The following MAP2K5 variants were observed in gnomAD, a reference collection of about 807,000 sequenced individuals.
MAP2K5 encodes dual specificity mitogen-activated protein kinase kinase 5.
In MAP2K5, 49 loss-of-function variants were observed where a neutral mutation model predicts 83.1. The ratio of observed to expected loss-of-function variants is 0.59; its 90% CI spans 0.47 to 0.75. The LOEUF (loss-of-function observed/expected upper bound fraction) is 0.75. MAP2K5 is among the 30% of genes least tolerant of loss of function. The pLI, the probability that MAP2K5 is intolerant of heterozygous loss-of-function variation, is 0.00. For missense variants in MAP2K5, 457 were observed against 557.5 expected, an observed-to-expected ratio of 0.82 and a Z score of 1.82; for synonymous variants, 202 against 191.8, an observed-to-expected ratio of 1.05 and a Z score of -0.44.
In MAP2K5 at chr15:67,572,646, G is replaced by C. The variant is rs894061139; in HGVS notation, c.253-8108G>C. Among the ~76,000 whole-genome samples the C allele has an allele frequency of 2.6e-5, 4 of 152,028 alleles. No homozygotes were observed. The highest frequency in any genetic ancestry group is 5.9e-5 in the Non-Finnish European group (4 of 67,994). On this transcript the variant is annotated intron_variant, in intron 3 of 21. Transcript: ENST00000178640. This position sits in a 1 kb window ranked among gnomAD's most constrained non-coding sequence, Gnocchi z 4.2. Reference sequence around the variant, plus strand: ...GAGATGTGCTCTGCTACAAGGGTTTGTGATAAAGGATTCATTTTCTTAATT... The same window carrying C: ...GAGATGTGCTCTGCTACAAGGGTTTCTGATAAAGGATTCATTTTCTTAATT...
chr15:67,766,003 A>G (rs906639047), intron 19 of MAP2K5, among the ~76,000 whole-genome samples: 7 of 152,074 alleles, frequency 4.6e-5, no homozygotes, highest in South Asian at 2.1e-4. Context: ...ACTTTTTCCT[A>G]TTGTCCTTCA....
chr15:67,717,349 A>G lies in MAP2K5; in HGVS notation c.1045-10567A>G, dbSNP rs2141235014. Reference sequence around the variant, plus strand: ...CTCCAGTATGTCTACTGTAATAGGAAGTAGGTAGGTAAGGATCTCATCTAA... The same window carrying G: ...CTCCAGTATGTCTACTGTAATAGGAGGTAGGTAGGTAAGGATCTCATCTAA... On this transcript the variant is annotated intron_variant, in intron 16 of 21. Coordinates refer to ENST00000178640, the MANE Select transcript of MAP2K5 (RefSeq NM_145160.3). This position sits in a 1 kb window ranked among gnomAD's most constrained non-coding sequence, Gnocchi z 4.1. Among the ~76,000 whole-genome samples the G allele has an allele frequency of 6.6e-6, 1 of 152,308 alleles. No individual in the cohort carries two copies. The highest frequency in any genetic ancestry group is 1.5e-5 in the Non-Finnish European group (1 of 68,012).
intron 7 of MAP2K5, among the ~76,000 whole-genome samples, chr15:67,599,066 T>C (rs1707151188): frequency 6.6e-6 from 1 of 152,226 alleles, no homozygotes; most frequent in Non-Finnish European, 1.5e-5. Context: ...ACTCTGCTAG[T>C]TTAGCATCTC....
chr15:67,803,359 GC>G (rs1308891913), intron 21 of MAP2K5, among the ~76,000 whole-genome samples: 1 of 148,274 alleles, frequency 6.7e-6, no homozygotes, highest in Non-Finnish European at 1.5e-5. Context: ...CCTCTGGGTG[GC>G]CAAGTGAGTT....
At position 67,750,300 on chromosome 15, in the gene MAP2K5, A is replaced by G. The variant is rs1332671419; in HGVS notation, c.1134+1699A>G. On this transcript the variant is annotated intron_variant, in intron 19 of 21. Transcript: ENST00000178640. This position sits in a 1 kb window ranked among gnomAD's most constrained non-coding sequence, Gnocchi z 4.2. Reference sequence around the variant, plus strand: ...CTCTAAAACCATCTTCCTTGTGGAAACTTGGGAAATGAACATTGCCTTTGC... The same window carrying G: ...CTCTAAAACCATCTTCCTTGTGGAAGCTTGGGAAATGAACATTGCCTTTGC... Among the ~76,000 whole-genome samples, 1 of 152,262 alleles carries G rather than the reference A, an allele frequency of 6.6e-6. No homozygotes were observed. The highest frequency in any genetic ancestry group is 2.4e-5 in the African/African-American group (1 of 41,464).
chr15:67,715,932 C>T (rs2088818383), intron 16 of MAP2K5, among the ~76,000 whole-genome samples: 1 of 152,188 alleles, frequency 6.6e-6, no homozygotes, highest in South Asian at 2.1e-4. Context: ...TCCCTGGGGA[C>T]ACATAAGTAG....
intron 17 of MAP2K5, among the ~76,000 whole-genome samples, chr15:67,735,958 C>A (rs555262585): frequency 2.6e-5 from 4 of 152,212 alleles, no homozygotes; most frequent in Admixed American, 6.5e-5. Context: ...GTACTCAAGT[C>A]CAAAGGAGGT....
In MAP2K5 at chr15:67,720,698, C is replaced by G. The variant is rs1018824356; in HGVS notation, c.1045-7218C>G. On this transcript the variant is annotated intron_variant, in intron 16 of 21. Coordinates refer to ENST00000178640, the MANE Select transcript of MAP2K5 (RefSeq NM_145160.3). This position sits in a 1 kb window ranked among gnomAD's most constrained non-coding sequence, Gnocchi z 5.7. ...AAAATGAGGAAGTTGCCTTGCAGAGCGCTATCAATCACTCAGTGACCATAA... is the reference window on the plus strand; with the variant it reads ...AAAATGAGGAAGTTGCCTTGCAGAGGGCTATCAATCACTCAGTGACCATAA... 1.3e-5 allele frequency among the ~76,000 whole-genome samples: 2 copies of G among 152,114 alleles called. No homozygotes were observed. Among genetic ancestry groups the G allele is most frequent in the African/African-American group, 2.4e-5 (1 of 41,416 alleles).
intron 12 of MAP2K5, among the ~76,000 whole-genome samples, chr15:67,661,201 G>C (rs777996580): frequency 1.3e-5 from 2 of 151,840 alleles, no homozygotes; most frequent in African/African-American, 4.8e-5. Flanking sequence ...CAGCCTTCCA[G>C]CTTACTCAGT....
At chr15:67,703,227 AATACT>A (rs2088466242) in intron 15 of MAP2K5, 105 bp from the exon 16 acceptor site, 2 of 736,696 alleles carry the variant, frequency 2.7e-6, no homozygotes, top group Admixed American at 2.2e-5. Context: ...TCATCCGTAA[AATACT>A]ATGCAGATGT....
intron 7 of MAP2K5, among the ~76,000 whole-genome samples, chr15:67,598,944 T>C (rs1445530242): frequency 1.3e-5 from 2 of 152,242 alleles, no homozygotes; most frequent in Non-Finnish European, 2.9e-5. Context: ...CGGACATGTT[T>C]AGATTACTTA....
At chr15:67,609,191 T>C (rs181327722) in intron 8 of MAP2K5, among the ~76,000 whole-genome samples, 30 of 152,198 alleles carry the variant, frequency 2.0e-4, no homozygotes, top group African/African-American at 7.2e-4. Context: ...ATAAAAACCT[T>C]ATGTCAGGTG....
chr15:67,564,824 A>G (rs911340309), intron 3 of MAP2K5, among the ~76,000 whole-genome samples: 1 of 152,218 alleles, frequency 6.6e-6, no homozygotes, highest in African/African-American at 2.4e-5. Flanking sequence ...CATTGCAGAG[A>G]ACTGACATCA....
At position 67,750,204 on chromosome 15, in the gene MAP2K5, A is replaced by G. The variant is rs1053341883; in HGVS notation, c.1134+1603A>G. Among the ~76,000 whole-genome samples, 2 of 152,232 alleles carry G rather than the reference A, an allele frequency of 1.3e-5. No homozygotes were observed. Among genetic ancestry groups the G allele is most frequent in the African/African-American group, 4.8e-5 (2 of 41,458 alleles). On this transcript the variant is annotated intron_variant, in intron 19 of 21. Coordinates refer to ENST00000178640, the MANE Select transcript of MAP2K5 (RefSeq NM_145160.3). This position sits in a 1 kb window ranked among gnomAD's most constrained non-coding sequence, Gnocchi z 4.2. Reference sequence around the variant, plus strand: ...AGAACAATAATGTGTAACTTAAATGATATATTTTTCTTCATAGCATTTCTT... The same window carrying G: ...AGAACAATAATGTGTAACTTAAATGGTATATTTTTCTTCATAGCATTTCTT...
At chr15:67,662,152 T>C (rs1448816118) in intron 12 of MAP2K5, among the ~76,000 whole-genome samples, 4 of 152,150 alleles carry the variant, frequency 2.6e-5, no homozygotes, top group African/African-American at 9.7e-5. Flanking sequence ...TAGCAAATCT[T>C]TCAGGAGCAC....
intron 14 of MAP2K5, among the ~76,000 whole-genome samples, chr15:67,693,003 C>A (rs968117666): frequency 6.6e-6 from 1 of 152,168 alleles, no homozygotes; most frequent in African/African-American, 2.4e-5. Context: ...GTGATAGTGA[C>A]CCATGAGCAT....
intron 4 of MAP2K5, among the ~76,000 whole-genome samples, chr15:67,582,253 G>C (rs757179589): frequency 6.6e-6 from 1 of 151,722 alleles, no homozygotes; most frequent in Admixed American, 6.6e-5. Flanking sequence ...GCAGAGACAG[G>C]GTTTTACCAT....
At chr15:67,700,814 G>A (rs1158508842) in intron 15 of MAP2K5, among the ~76,000 whole-genome samples, 2 of 151,546 alleles carry the variant, frequency 1.3e-5, no homozygotes, top group Admixed American at 6.6e-5. Context: ...TGTTTCATTA[G>A]CTTATTGCAA....
chr15:67,797,526 G>A (rs1000899601), intron 21 of MAP2K5, among the ~76,000 whole-genome samples: 1 of 152,156 alleles, frequency 6.6e-6, no homozygotes, highest in African/African-American at 2.4e-5. Flanking sequence ...ACTGTTGGTG[G>A]TAAGAATCTC....
Sources: gnomAD v4.1 joint callset for allele counts (sites outside exome capture counted in the v4.1 genomes callset) on GRCh38, gnomAD v4.1.1 for gene constraint, Gnocchi (gnomAD v3.1) non-coding constraint, MANE v1.5 for transcripts, NCBI Gene and HGNC (gene_info 2026-07-23, HGNC 2026-07-21) for gene names.